Variants in FGF14 observed in about 807,000 individuals in gnomAD.
The protein encoded by FGF14 is fibroblast growth factor homologous factor 4.
A neutral mutation model predicts 25.5 loss-of-function variants in FGF14; 5 were observed. The observed-to-expected ratio is 0.20, with a 90% CI of 0.10 to 0.41. The LOEUF (loss-of-function observed/expected upper bound fraction) is 0.41, where lower values mean the gene tolerates loss of function less well. Among genes scored for constraint, FGF14 ranks in the 10% least tolerant of loss-of-function variants. The probability of loss-of-function intolerance (pLI) is 1.00; values close to 1 mark genes in which losing one functional copy is unlikely to be tolerated. For missense variants in FGF14, 222 were observed against 320.1 expected (o/e 0.69, Z 2.34); for synonymous variants, 138 against 118.3 (o/e 1.17, Z -1.08).
chr13:101,928,098 C>T (rs1324392592), intron 1 of FGF14, among the ~76,000 whole-genome samples: 1 of 152,196 alleles, frequency 6.6e-6, no homozygotes, highest in Admixed American at 6.5e-5. Flanking sequence ...TGGGCAGAGG[C>T]TTGTGGAGTT....
intron 1 of FGF14, among the ~76,000 whole-genome samples, chr13:102,275,282 C>CTCTCTCTCTCTCTCTCTCTCTCTCTCTA (rs1184449210): frequency 6.7e-6 from 1 of 148,150 alleles, no homozygotes; most frequent in African/African-American, 2.5e-5. Context: ...CTCTCTCTCT[C>CTCTCTCTCTCTCTCTCTCTCTCTCTCTA]TCTCTGCCAC....
At chr13:101,809,078 G>A (rs769245909) in intron 3 of FGF14, among the ~76,000 whole-genome samples, 31 of 151,970 alleles carry the variant, frequency 2.0e-4, no homozygotes, top group Non-Finnish European at 3.5e-4. Flanking sequence ...AATTGATCCA[G>A]TACTATCTCA....
chr13:102,166,752 A>C (rs2048030098), intron 1 of FGF14, among the ~76,000 whole-genome samples: 1 of 152,170 alleles, frequency 6.6e-6, no homozygotes, highest in African/African-American at 2.4e-5. Context: ...ATAGGTACTA[A>C]AATAAGGCGT....
intron 1 of FGF14, among the ~76,000 whole-genome samples, chr13:102,316,469 T>G (rs773350957): frequency 2.0e-5 from 3 of 152,138 alleles, no homozygotes; most frequent in Non-Finnish European, 4.4e-5. Flanking sequence ...TAAAAATAAA[T>G]GAATAATTTT....
At chr13:102,073,654 A>AT (rs35664901) in intron 1 of FGF14, among the ~76,000 whole-genome samples, 56,759 of 152,126 alleles carry the variant, frequency 0.37, 11,426 homozygotes, top group East Asian at 0.69. Flanking sequence ...TAAACCTTTC[A>AT]TTAGTTGACT....
intron 1 of FGF14, among the ~76,000 whole-genome samples, chr13:102,335,139 C>T (rs1424740211): frequency 6.6e-6 from 1 of 152,168 alleles, no homozygotes; most frequent in Non-Finnish European, 1.5e-5. Flanking sequence ...TAATACATCA[C>T]ATCTCAGTTT....
chr13:101,720,170 C>CCAA lies in FGF14; in HGVS notation c.*2658_*2660dup, dbSNP rs1202415892. Reference sequence around the variant, plus strand: ...TTTGTATGCAAATTAGCAATACATACCAACAGTTCTTGATACACAGGTACC... The same window carrying CCAA: ...TTTGTATGCAAATTAGCAATACATACCAACAACAGTTCTTGATACACAGGTACC... On this transcript the variant is annotated 3_prime_UTR_variant, in exon 5 of 5. Transcript: ENST00000376143. The CCAA allele has an allele frequency of 2.6e-5, 4 of 152,154 alleles. No homozygotes were observed. In the East Asian group the frequency reaches 5.8e-4, roughly 22 times the overall value. The allele number at this position is 152,154 out of a possible 1,614,324, so 9.4% of individuals were successfully genotyped here. A position where few individuals can be genotyped will look rare whatever the true frequency, so the allele number is the denominator to read the frequency against.
chr13:101,940,885 A>G (rs548152035), intron 1 of FGF14, among the ~76,000 whole-genome samples: 1 of 152,350 alleles, frequency 6.6e-6, no homozygotes, highest in African/African-American at 2.4e-5. Context: ...ATTCATAAGC[A>G]AATTTTTCAT....
chr13:101,850,461 AATATATATATATATATATATATATAT>A (rs1160692652), intron 3 of FGF14, among the ~76,000 whole-genome samples: 6 of 23,034 alleles, frequency 2.6e-4, no homozygotes, highest in African/African-American at 6.6e-4. Flanking sequence ...CTCTAAAGGC[AATATATATATATATATATATATATAT>A]ATATATATAT....
At chr13:102,105,918 T>C (rs565828741) in intron 1 of FGF14, among the ~76,000 whole-genome samples, 8 of 152,318 alleles carry the variant, frequency 5.3e-5, no homozygotes, top group Admixed American at 1.3e-4. Flanking sequence ...CCAACATACA[T>C]TTCAACATAT....
chr13:101,918,335 T>C, upstream of FGF14, among the ~76,000 whole-genome samples: 1 of 152,172 alleles, frequency 6.6e-6, no homozygotes, highest in Admixed American at 6.5e-5. Flanking sequence ...TTTTCTCCTC[T>C]TCCCTTTACA....
intron 3 of FGF14, among the ~76,000 whole-genome samples, chr13:101,836,845 C>T (rs2042949225): frequency 6.6e-6 from 1 of 151,898 alleles, no homozygotes; most frequent in South Asian, 2.1e-4. Context: ...CATTTTGATG[C>T]CACTGGAATT....
chr13:102,369,728 T>C (rs1004996654), intron 1 of FGF14, among the ~76,000 whole-genome samples: 4 of 152,164 alleles, frequency 2.6e-5, no homozygotes, highest in Admixed American at 2.0e-4. Flanking sequence ...TTTGTGAATA[T>C]AAAAATATAC....
chr13:102,376,233 C>T (rs1333703022), intron 1 of FGF14, among the ~76,000 whole-genome samples: 5 of 152,116 alleles, frequency 3.3e-5, no homozygotes, highest in African/African-American at 9.7e-5. Context: ...CGAGATCTGA[C>T]GGTTTATACA....
intron 1 of FGF14, among the ~76,000 whole-genome samples, chr13:102,258,217 C>T (rs2052543305): frequency 1.3e-5 from 2 of 152,176 alleles, no homozygotes; most frequent in East Asian, 1.9e-4. Context: ...TCCCATAACA[C>T]GTGGGAATTA....
At chr13:101,977,961 C>T (rs187822544) in intron 1 of FGF14, among the ~76,000 whole-genome samples, 1 of 150,354 alleles carries the variant, frequency 6.7e-6, no homozygotes, top group Non-Finnish European at 1.5e-5. Context: ...AAAAAACTAG[C>T]ATATAATTTT....
chr13:102,060,057 C>T lies in FGF14; in HGVS notation c.209-184761G>A, dbSNP rs148132242. Among the ~76,000 whole-genome samples the T allele has an allele frequency of 1.4e-3, 212 of 151,578 alleles. 1 individual carries two copies. The highest frequency in any genetic ancestry group is 4.9e-3 in the African/African-American group (204 of 41,290). ...ACTTTTTGAGTGCCAGCATAACATT[C>T]AAAGGTCATGCTCAAAGGAAATGCT... On this transcript the variant is annotated intron_variant, in intron 1 of 4. Coordinates refer to the FGF14 transcript ENST00000376131.
chr13:102,194,747 A>G (rs1488026487), intron 1 of FGF14, among the ~76,000 whole-genome samples: 1 of 152,210 alleles, frequency 6.6e-6, no homozygotes, highest in Non-Finnish European at 1.5e-5. Context: ...TAAACTATAC[A>G]TATTAAAAGA....
At chr13:102,294,343 A>T (rs190246365) in intron 1 of FGF14, among the ~76,000 whole-genome samples, 3 of 151,936 alleles carry the variant, frequency 2.0e-5, no homozygotes, top group African/African-American at 7.2e-5. Context: ...TAATTTTCTT[A>T]AAATAACAGG....
Sources: gnomAD v4.1 joint callset for allele counts (sites outside exome capture counted in the v4.1 genomes callset) on GRCh38, gnomAD v4.1.1 for gene constraint, MANE v1.5 for transcripts, NCBI Gene and HGNC (gene_info 2026-07-23, HGNC 2026-07-21) for gene names.